PPTC7: variants seen among roughly 807,000 people sequenced by gnomAD.
PPTC7 encodes the protein protein phosphatase targeting COQ7.
Under a neutral mutation model 30.8 loss-of-function variants are expected in PPTC7, and 6 were observed. The ratio of observed to expected loss-of-function variants is 0.19; its 90% confidence interval spans 0.11 to 0.38. The LOEUF is 0.38. Among genes scored for constraint, PPTC7 ranks in the 10% least tolerant of loss-of-function variants. The pLI is 1.00. For missense variants in PPTC7, 218 were observed against 404.8 expected, an observed-to-expected ratio of 0.54 and a Z score of 3.96; for synonymous variants, 163 against 168.1, an observed-to-expected ratio of 0.97 and a Z score of 0.23.
chr12:110,541,700 CAAAAAAAAAAA>C (rs748911395), intron 3 of PPTC7, among the ~76,000 whole-genome samples: 3 of 66,480 alleles, frequency 4.5e-5, no homozygotes, highest in South Asian at 5.1e-4. Flanking sequence ...AACTCCGTCT[CAAAAAAAAAAA>C]AAAAAAAAAA....
chr12:110,539,793 TC>T, intron 4 of PPTC7, 28 bp downstream of exon 4: 1 of 1,608,888 alleles, frequency 6.2e-7, no homozygotes, highest in Non-Finnish European at 8.5e-7. Flanking sequence ...GGGCCACTTT[TC>T]CCAAGAGCTA....
chr12:110,544,335 G>T lies in PPTC7; in HGVS notation c.602+1545C>A, dbSNP rs144960963. 1.1e-4 allele frequency among the ~76,000 whole-genome samples: 16 copies of T among 152,316 alleles called. No homozygotes were observed. The East Asian group carries it at 3.1e-3, about 29-fold the overall frequency. On this transcript the variant is annotated intron_variant, in intron 3 of 5. Transcript: ENST00000354300. The stretch of plus-strand genomic sequence containing the variant: ...GGACCTAAGAGATGGTTTAATGAGA[G>T]CTATTAAGTAGAGACAAGTACTTGC...
Position 110,538,267 on chromosome 12 carries a change from T to A in PPTC7, c.733A>T (p.Asn245Tyr), listed in dbSNP as rs753057414. The A allele has an allele frequency of 6.2e-7, 1 of 1,614,022 alleles. No homozygotes were observed. Among genetic ancestry groups the A allele is most frequent in the Non-Finnish European group, 8.5e-7 (1 of 1,179,890 alleles). The stretch of plus-strand genomic sequence containing the variant: ...GCAGTCTGTTGTATACTCTCATAAT[T>A]TGAATTCTAAGATAAAGCATGAGGA... Reference protein sequence around the residue: ...LQELKKLKNSNYESIQQTARS... With the variant: ...LQELKKLKNSYYESIQQTARS... The change falls in exon 5 of 6, where the codon AAT becomes TAT. Residue 245 changes from asparagine to tyrosine, a missense_variant. Asn to Tyr is a moderately radical substitution (Grantham distance 143). Coordinates refer to ENST00000354300, the MANE Select transcript of PPTC7 (RefSeq NM_139283.2).
intron 1 of PPTC7, among the ~76,000 whole-genome samples, chr12:110,566,172 G>A (rs1041328946): frequency 3.3e-5 from 5 of 152,190 alleles, no homozygotes; most frequent in Non-Finnish European, 5.9e-5. Context: ...GGAGTCCCTG[G>A]AAGGAAAGGC....
chr12:110,552,110 C>T (rs1018006397), intron 1 of PPTC7, 142 bp from the exon 2 acceptor site: 8 of 659,288 alleles, frequency 1.2e-5, no homozygotes, highest in Admixed American at 6.0e-5. Context: ...AAAGCACTCA[C>T]GTTTAATGTA....
In PPTC7 at chr12:110,583,160, C is replaced by A; in HGVS notation, c.-129G>T. On this transcript the variant is annotated 5_prime_UTR_variant, in exon 1 of 6. Transcript: ENST00000354300. Reference sequence around the variant, plus strand: ...CGCTCCTCAGGGCGGCGCGCAGTGGCCGCCGCCGCCCCTGCCCGACGCGCG... The same window carrying A: ...CGCTCCTCAGGGCGGCGCGCAGTGGACGCCGCCGCCCCTGCCCGACGCGCG... The A allele has an allele frequency of 2.0e-6, 1 of 509,862 alleles. No homozygotes were observed. Among genetic ancestry groups the A allele is most frequent in the Non-Finnish European group, 2.8e-6 (1 of 359,312 alleles). The allele number at this position is 509,862 out of a possible 1,614,324, so 31.6% of individuals were successfully genotyped here.
At chr12:110,581,905 C>T (rs1346766085) in intron 1 of PPTC7, among the ~76,000 whole-genome samples, 2 of 152,208 alleles carry the variant, frequency 1.3e-5, no homozygotes, top group South Asian at 2.1e-4. Flanking sequence ...GAGCGCATTG[C>T]TTTATTCATT....
intron 3 of PPTC7, 45 bp from the exon 4 acceptor site, chr12:110,539,990 C>G (rs774599998): frequency 6.3e-7 from 1 of 1,587,964 alleles, no homozygotes; most frequent in Non-Finnish European, 8.6e-7. Context: ...AGGCCCTTTA[C>G]AGATGAGTTG....
At chr12:110,577,886 C>CA (rs1017064992) in intron 1 of PPTC7, among the ~76,000 whole-genome samples, 3 of 152,046 alleles carry the variant, frequency 2.0e-5, no homozygotes, top group African/African-American at 7.2e-5. Context: ...AGTTATGAGT[C>CA]AGAGTGAATA....
chr12:110,565,731 A>C (rs991985270), intron 1 of PPTC7, among the ~76,000 whole-genome samples: 3 of 152,236 alleles, frequency 2.0e-5, no homozygotes, highest in Non-Finnish European at 4.4e-5. Flanking sequence ...AGGGAGCTAA[A>C]GATTTATATG....
intron 2 of PPTC7, among the ~76,000 whole-genome samples, chr12:110,548,277 G>A (rs2064324742): frequency 6.6e-6 from 1 of 152,138 alleles, no homozygotes; most frequent in Admixed American, 6.5e-5. Context: ...AGTTGTTTTA[G>A]TGGGATCATG....
intron 1 of PPTC7, among the ~76,000 whole-genome samples, chr12:110,559,930 G>A (rs1221785280): frequency 1.3e-5 from 2 of 152,008 alleles, no homozygotes; most frequent in Non-Finnish European, 1.5e-5. Context: ...TCCTCGCCAT[G>A]TTGCCCAGGG....
intron 1 of PPTC7, among the ~76,000 whole-genome samples, chr12:110,556,729 G>A (rs1179346566): frequency 1.3e-5 from 2 of 152,310 alleles, no homozygotes; most frequent in Admixed American, 6.5e-5. Context: ...TGCATGCTGC[G>A]CTAGGAAATA....
chr12:110,562,476 C>G (rs555622864), intron 1 of PPTC7, among the ~76,000 whole-genome samples: 1 of 151,986 alleles, frequency 6.6e-6, no homozygotes, highest in African/African-American at 2.4e-5. Context: ...CCTGTTTTAA[C>G]AAGCAAGTGA....
chr12:110,580,546 G>A (rs1480010570), intron 1 of PPTC7, among the ~76,000 whole-genome samples: 1 of 151,994 alleles, frequency 6.6e-6, no homozygotes, highest in Non-Finnish European at 1.5e-5. Flanking sequence ...TGCCATGTTG[G>A]CCAGGCTGGT....
intron 3 of PPTC7, among the ~76,000 whole-genome samples, chr12:110,545,102 G>T (rs969288592): frequency 3.3e-5 from 5 of 151,172 alleles, no homozygotes; most frequent in Admixed American, 2.6e-4. Flanking sequence ...TATTGTTTTG[G>T]TTTTTTTTGA....
chr12:110,555,041 C>T lies in PPTC7; in HGVS notation c.224-3073G>A, dbSNP rs369252785. Among the ~76,000 whole-genome samples the T allele has an allele frequency of 9.9e-5, 15 of 152,246 alleles. No homozygotes were observed. In the East Asian group the frequency reaches 2.3e-3, roughly 23 times the overall value. The stretch of plus-strand genomic sequence containing the variant: ...CCCATACACACATTTATTTTTTGTA[C>T]ATTCAACTTTAAGAATGTATTTGGT... On this transcript the variant is annotated intron_variant, in intron 1 of 5. Transcript: ENST00000354300.
At chr12:110,548,536 C>T (rs928062219) in intron 2 of PPTC7, among the ~76,000 whole-genome samples, 1 of 152,144 alleles carries the variant, frequency 6.6e-6, no homozygotes, top group Non-Finnish European at 1.5e-5. Flanking sequence ...TTGCCCATTA[C>T]CTTTCCTTCC....
chr12:110,574,885 T>G (rs968988527), intron 1 of PPTC7, among the ~76,000 whole-genome samples: 1 of 151,668 alleles, frequency 6.6e-6, no homozygotes, highest in Non-Finnish European at 1.5e-5. Context: ...TTCAAGCGAT[T>G]CTCATGTCTC....
Sources: gnomAD v4.1 joint callset for allele counts (sites outside exome capture counted in the v4.1 genomes callset) on GRCh38, gnomAD v4.1.1 for gene constraint, MANE v1.5 for transcripts, NCBI Gene and HGNC (gene_info 2026-07-23, HGNC 2026-07-21) for gene names.